The following WNT5B variants were observed in gnomAD, a reference collection of about 807,000 sequenced individuals.
The protein encoded by WNT5B is Wnt family member 5B, also known as protein Wnt-5b.
In WNT5B, 18 loss-of-function variants were observed where a neutral mutation model predicts 36.5. The ratio of observed to expected loss-of-function variants is 0.49; its 90% CI spans 0.34 to 0.73. WNT5B has a LOEUF of 0.73. WNT5B is among the 30% of genes least tolerant of loss of function. The pLI, the probability that WNT5B is intolerant of heterozygous loss-of-function variation, is 0.01. For missense variants in WNT5B, 424 were observed against 508.4 expected (o/e 0.83, Z 1.60); for synonymous variants, 213 against 212.3 (o/e 1.00, Z -0.03).
At chr12:1,625,927 C>T (rs898973314), upstream of WNT5B, among the ~76,000 whole-genome samples, 8 of 150,994 alleles carry the variant, frequency 5.3e-5, no homozygotes, top group African/African-American at 7.3e-5. Context: ...CCTCCCGAAG[C>T]GCTAGGATTA....
At chr12:1,631,543 G>A in intron 2 of WNT5B, 109 bp downstream of exon 2, 1 of 1,533,388 alleles carries the variant, frequency 6.5e-7, no homozygotes, top group East Asian at 2.3e-5. Flanking sequence ...ATTCCTGGGA[G>A]TACTAAGGGC....
At position 1,631,205 on chromosome 12, in the gene WNT5B, G is replaced by C. The variant is rs1592524922; in HGVS notation, c.-57-93G>C. ...TTTGTGGGGAACACGCAGCACGTAA[G>C]CATCAGTGCAACTTTCTCCGCCTCA... On this transcript the variant is annotated intron_variant, in intron 1 of 4. Coordinates refer to ENST00000397196, the MANE Select transcript of WNT5B (RefSeq NM_032642.3). The C allele has an allele frequency of 1.7e-5, 20 of 1,152,242 alleles. 1 individual carries two copies. In the South Asian group the frequency reaches 3.1e-4, roughly 18 times the overall value. 71.4% of individuals were successfully genotyped at this position (1,152,242 alleles called of 1,614,324 possible).
intron 4 of WNT5B, among the ~76,000 whole-genome samples, chr12:1,640,309 C>T (rs1592536035): frequency 6.6e-6 from 1 of 152,190 alleles, no homozygotes; most frequent in African/African-American, 2.4e-5. Flanking sequence ...GGCCACCCCT[C>T]CTTTGCAACT....
rs1165966269 is a variant in WNT5B at position 1,618,641 on chromosome 12, G to T, written c.-58+1498G>T. Among the ~76,000 whole-genome samples the T allele has an allele frequency of 1.3e-5, 2 of 152,316 alleles. No individual in the cohort carries two copies. Among genetic ancestry groups the T allele is most frequent in the South Asian group, 4.1e-4 (2 of 4,826 alleles). The stretch of plus-strand genomic sequence containing the variant: ...ACTATTTTATTAGTATTCAGGAGAA[G>T]GGAACTTCCTCTTTCTTATCATCTG... On this transcript the variant is annotated intron_variant, in intron 1 of 4. Transcript: ENST00000310594. The surrounding 1 kb of genome is among the most constrained non-coding windows in gnomAD (Gnocchi z 4.1).
rs2094530176 is a variant in WNT5B, at chr12:1,618,855, G to A, written c.-58+1712G>A. ...TGCATGAGTTGGTCACTTTCACACT[G>A]CTCCAGGCACCAGGAGTTGGAAGCT... On this transcript the variant is annotated intron_variant, in intron 1 of 4. Coordinates refer to the WNT5B transcript ENST00000310594. This position sits in a 1 kb window ranked among gnomAD's most constrained non-coding sequence, Gnocchi z 4.1. Among the ~76,000 whole-genome samples the A allele has an allele frequency of 6.6e-6, 1 of 152,130 alleles. No individual in the cohort carries two copies. Among genetic ancestry groups the A allele is most frequent in the Non-Finnish European group, 1.5e-5 (1 of 68,024 alleles).
chr12:1,619,144 T>G (rs1373813896), intron 1 of WNT5B, among the ~76,000 whole-genome samples: 1 of 10,872 alleles, frequency 9.2e-5, no homozygotes, highest in Non-Finnish European at 1.8e-4. Flanking sequence ...TCCCCACCCC[T>G]AAGACATTTC....
At chr12:1,627,105 G>A (rs747210028), upstream of WNT5B, among the ~76,000 whole-genome samples, 68 of 152,162 alleles carry the variant, frequency 4.5e-4, no homozygotes, top group Non-Finnish European at 7.5e-4. The surrounding 1 kb of genome is among the most constrained non-coding windows in gnomAD (Gnocchi z 5.0). Flanking sequence ...TAAATGCTGC[G>A]GCTAAAACAT....
intron 2 of WNT5B, 32 bp downstream of exon 2, chr12:1,631,466 C>T: frequency 6.2e-7 from 1 of 1,613,624 alleles, no homozygotes. Context: ...CCTGCCTGCA[C>T]AGCCGGAGGC....
At chr12:1,620,748 G>C (rs1227450690) in intron 1 of WNT5B, among the ~76,000 whole-genome samples, 1 of 149,950 alleles carries the variant, frequency 6.7e-6, no homozygotes, top group Non-Finnish European at 1.5e-5. Flanking sequence ...TCTGTGGCCA[G>C]GCTGGGGTGC....
At chr12:1,625,614 C>T (rs901158084), upstream of WNT5B, among the ~76,000 whole-genome samples, 4 of 152,328 alleles carry the variant, frequency 2.6e-5, no homozygotes, top group East Asian at 1.9e-4. Flanking sequence ...ATGGTTTACC[C>T]TGTTATGCCA....
chr12:1,641,009 G>A (rs2094574147), intron 4 of WNT5B, among the ~76,000 whole-genome samples: 1 of 152,206 alleles, frequency 6.6e-6, no homozygotes, highest in Non-Finnish European at 1.5e-5. Context: ...TTCTTGGAGT[G>A]TTGTCCCCAC....
At chr12:1,641,166 C>G (rs2094574394) in intron 4 of WNT5B, among the ~76,000 whole-genome samples, 1 of 152,168 alleles carries the variant, frequency 6.6e-6, no homozygotes, top group East Asian at 1.9e-4. Flanking sequence ...AGGTGGATCA[C>G]TTGAGGCCAG....
intron 1 of WNT5B, among the ~76,000 whole-genome samples, chr12:1,619,687 A>G (rs1565601900): frequency 1.3e-5 from 2 of 152,122 alleles, no homozygotes; most frequent in South Asian, 4.1e-4. Flanking sequence ...ATTTTGCCAT[A>G]TCCTCATTTC....
At chr12:1,645,127 TAA>T (rs2094582929) in intron 4 of WNT5B, 1 of 148,458 alleles carries the variant, frequency 6.7e-6, no homozygotes. Context: ...AGTTTTGGGC[TAA>T]CCACGGCTAT....
In WNT5B at chr12:1,646,146, A is replaced by T; in HGVS notation, c.974A>T (p.Gln325Leu). Residue 325 changes from glutamine to leucine, a missense_variant, in exon 5 of 5, where the codon CAG becomes CTG. Coordinates refer to ENST00000397196, the MANE Select transcript of WNT5B (RefSeq NM_032642.3). ...ATGTGCTGCGGGCGTGGCTACAACCAGTTCAAGAGCGTGCAGGTGGAGCGC... is the reference window on the plus strand; with the variant it reads ...ATGTGCTGCGGGCGTGGCTACAACCTGTTCAAGAGCGTGCAGGTGGAGCGC... The part of the protein sequence containing the change: ...ELMCCGRGYN[Q>L]FKSVQVERCH... The T allele has an allele frequency of 6.2e-7, 1 of 1,613,824 alleles. No individual in the cohort carries two copies. The highest frequency in any genetic ancestry group is 8.5e-7 in the Non-Finnish European group (1 of 1,180,026).
upstream of WNT5B, among the ~76,000 whole-genome samples, chr12:1,628,149 C>A (rs1224335548): frequency 6.9e-6 from 1 of 145,960 alleles, no homozygotes; most frequent in Non-Finnish European, 1.5e-5. Flanking sequence ...GAATAGAGAC[C>A]CTGACTCCCA....
intron 3 of WNT5B, among the ~76,000 whole-genome samples, chr12:1,636,361 G>A (rs1299285679): frequency 6.6e-6 from 1 of 151,108 alleles, no homozygotes; most frequent in Non-Finnish European, 1.5e-5. Context: ...AACCCTAGGC[G>A]ACCACTATTC....
intron 1 of WNT5B, among the ~76,000 whole-genome samples, chr12:1,620,481 T>C (rs2094532259): frequency 6.6e-6 from 1 of 152,224 alleles, no homozygotes; most frequent in African/African-American, 2.4e-5. Flanking sequence ...TCCATTCTAT[T>C]GTTGATGGAT....
intron 1 of WNT5B, among the ~76,000 whole-genome samples, chr12:1,621,942 C>T (rs2094534305): frequency 6.6e-6 from 1 of 152,120 alleles, no homozygotes; most frequent in East Asian, 1.9e-4. Flanking sequence ...ACTATCTCTC[C>T]TCTTCTTCGA....
Sources: gnomAD v4.1 joint callset for allele counts (sites outside exome capture counted in the v4.1 genomes callset) on GRCh38, gnomAD v4.1.1 for gene constraint, Gnocchi (gnomAD v3.1) non-coding constraint, MANE v1.5 for transcripts, NCBI Gene and HGNC (gene_info 2026-07-23, HGNC 2026-07-21) for gene names.